The following PPP2R5E variants were observed in gnomAD, a reference collection of about 807,000 sequenced individuals.
PPP2R5E encodes the protein protein phosphatase 2 regulatory subunit B'epsilon.
PPP2R5E carries 4 observed loss-of-function variants against 65.3 expected under a neutral mutation model. The ratio of observed to expected loss-of-function variants is 0.06; its 90% CI spans 0.03 to 0.14. The LOEUF is 0.14. Ranked by LOEUF, PPP2R5E falls within the 10% of genes least tolerant of loss-of-function variation. PPP2R5E has a pLI of 1.00. For missense variants in PPP2R5E, 274 were observed against 556.1 expected, an observed-to-expected ratio of 0.49 and a Z score of 5.10; for synonymous variants, 183 against 187.4, an observed-to-expected ratio of 0.98 and a Z score of 0.19.
intron 11 of PPP2R5E, among the ~76,000 whole-genome samples, chr14:63,384,884 C>T (rs573629314): frequency 1.3e-5 from 2 of 152,010 alleles, no homozygotes; most frequent in Non-Finnish European, 2.9e-5. Context: ...TTAGTAGAGG[C>T]GGGGTTTCAC....
chr14:63,438,500 A>G (rs932399968), intron 3 of PPP2R5E, among the ~76,000 whole-genome samples: 13 of 152,196 alleles, frequency 8.5e-5, no homozygotes, highest in African/African-American at 3.1e-4. Context: ...GAAAAGAGAA[A>G]CCAAAACTTG....
At chr14:63,487,050 C>T (rs1891034025) in intron 2 of PPP2R5E, among the ~76,000 whole-genome samples, 1 of 152,164 alleles carries the variant, frequency 6.6e-6, no homozygotes, top group Non-Finnish European at 1.5e-5. Flanking sequence ...CTGTCTCAAA[C>T]CCACATGCTT....
intron 5 of PPP2R5E, among the ~76,000 whole-genome samples, chr14:63,403,494 G>A (rs957701144): frequency 6.6e-6 from 1 of 151,040 alleles, no homozygotes; most frequent in African/African-American, 2.4e-5. Flanking sequence ...GAATCTAGAA[G>A]ATATGCTCCA....
chr14:63,511,599 G>A (rs973610614), intron 2 of PPP2R5E, among the ~76,000 whole-genome samples: 3 of 152,116 alleles, frequency 2.0e-5, no homozygotes, highest in East Asian at 1.9e-4. Context: ...CCCCCAAATC[G>A]AATGCAAGCC....
intron 2 of PPP2R5E, chr14:63,508,312 T>C (rs1594954086): frequency 1.2e-5 from 8 of 674,414 alleles, no homozygotes; most frequent in Middle Eastern, 7.4e-4. Flanking sequence ...TGTCACTCTT[T>C]GTTCTGTCAC....
chr14:63,406,387 G>A (rs961567019), intron 5 of PPP2R5E, among the ~76,000 whole-genome samples: 1 of 150,998 alleles, frequency 6.6e-6, no homozygotes, highest in Non-Finnish European at 1.5e-5. Context: ...ATCCAGCCTG[G>A]GTGACAGAGC....
At chr14:63,414,237 T>A (rs1456414358) in intron 5 of PPP2R5E, among the ~76,000 whole-genome samples, 1 of 152,188 alleles carries the variant, frequency 6.6e-6, no homozygotes, top group Non-Finnish European at 1.5e-5. Context: ...ATCAGCCCCA[T>A]CCCAGTAAGG....
intron 2 of PPP2R5E, among the ~76,000 whole-genome samples, chr14:63,485,005 T>C (rs1566736812): frequency 6.6e-6 from 1 of 152,138 alleles, no homozygotes; most frequent in Non-Finnish European, 1.5e-5. Flanking sequence ...TTCAGCACTT[T>C]AAGAAAAGAA....
chr14:63,447,431 G>A (rs905407120), intron 3 of PPP2R5E, among the ~76,000 whole-genome samples: 15 of 152,212 alleles, frequency 9.9e-5, no homozygotes, highest in Admixed American at 3.3e-4. Flanking sequence ...ACCAACCTCT[G>A]TTACTGTCCA....
chr14:63,394,077 T>TA (rs1885189663), intron 7 of PPP2R5E, 149 bp from the exon 8 acceptor site: 1 of 373,966 alleles, frequency 2.7e-6, no homozygotes, highest in Non-Finnish European at 4.2e-6. Flanking sequence ...TTCCTTTTTT[T>TA]TTTTTTTTTT....
At chr14:63,532,179 A>C (rs959692475) in intron 2 of PPP2R5E, among the ~76,000 whole-genome samples, 4 of 152,162 alleles carry the variant, frequency 2.6e-5, no homozygotes, top group East Asian at 3.8e-4. Flanking sequence ...GGATTTAAGA[A>C]TCTCTATACC....
At position 63,509,677 on chromosome 14, in the gene PPP2R5E, G is replaced by C. The variant is rs561002616; in HGVS notation, c.157+29852C>G. Reference sequence around the variant, plus strand: ...TCATTATTCCAAATGTTAGAGGTTTGACTATATGTTACAAACACACACCTG... The same window carrying C: ...TCATTATTCCAAATGTTAGAGGTTTCACTATATGTTACAAACACACACCTG... On this transcript the variant is annotated intron_variant, in intron 2 of 13. Coordinates refer to ENST00000337537, the MANE Select transcript of PPP2R5E (RefSeq NM_006246.5). Among the ~76,000 whole-genome samples the C allele has an allele frequency of 3.9e-5, 6 of 152,194 alleles. No individual in the cohort carries two copies. In the South Asian group the frequency reaches 1.2e-3, roughly 32 times the overall value.
At chr14:63,393,433 C>T (rs1218937582) in intron 8 of PPP2R5E, among the ~76,000 whole-genome samples, 1 of 152,036 alleles carries the variant, frequency 6.6e-6, no homozygotes, top group Admixed American at 6.6e-5. Context: ...GGCGATAGGC[C>T]CGGCGCCGTG....
In PPP2R5E at chr14:63,373,681, G is replaced by A. The variant is rs1260591650; in HGVS notation, c.*2328C>T. The A allele has an allele frequency of 6.6e-6, 1 of 152,138 alleles. No homozygotes were observed. The highest frequency in any genetic ancestry group is 1.5e-5 in the Non-Finnish European group (1 of 68,032). The allele number at this position is 152,138 out of a possible 1,614,324, so 9.4% of individuals were successfully genotyped here. ...GTAAGTGTTCACCTTTACTCTTGAAGACAGGGTAAGGTACAAAAAAGGATC... is the reference window on the plus strand; with the variant it reads ...GTAAGTGTTCACCTTTACTCTTGAAAACAGGGTAAGGTACAAAAAAGGATC... On this transcript the variant is annotated 3_prime_UTR_variant, in exon 14 of 14. Coordinates refer to ENST00000337537, the MANE Select transcript of PPP2R5E (RefSeq NM_006246.5).
chr14:63,433,436 C>G (rs1887796867), intron 3 of PPP2R5E, among the ~76,000 whole-genome samples: 1 of 152,126 alleles, frequency 6.6e-6, no homozygotes. Flanking sequence ...ACCACCTGTT[C>G]ATGCCCCTCC....
intron 11 of PPP2R5E, among the ~76,000 whole-genome samples, chr14:63,385,336 CA>C (rs564777721): frequency 1.3e-5 from 2 of 149,612 alleles, no homozygotes; most frequent in Non-Finnish European, 3.0e-5. Context: ...CTCCTCCCAC[CA>C]AAAAAAAAGT....
intron 4 of PPP2R5E, among the ~76,000 whole-genome samples, chr14:63,416,275 C>T (rs1886676627): frequency 6.6e-6 from 1 of 152,164 alleles, no homozygotes; most frequent in Admixed American, 6.5e-5. Context: ...GGCAAGAGAA[C>T]AAGACTCTGT....
chr14:63,379,835 T>C (rs1398262874), intron 13 of PPP2R5E, among the ~76,000 whole-genome samples: 1,418 of 129,930 alleles, frequency 0.011, 61 homozygotes, highest in African/African-American at 0.038. Flanking sequence ...TCTTTTTTTT[T>C]TTTTTTTTTT....
At chr14:63,451,090 T>C (rs779358290) in intron 3 of PPP2R5E, among the ~76,000 whole-genome samples, 3 of 152,174 alleles carry the variant, frequency 2.0e-5, no homozygotes, top group Non-Finnish European at 4.4e-5. Flanking sequence ...GAAGACAGTT[T>C]GGCAGTTTCT....
Sources: gnomAD v4.1 joint callset for allele counts (sites outside exome capture counted in the v4.1 genomes callset) on GRCh38, gnomAD v4.1.1 for gene constraint, MANE v1.5 for transcripts, NCBI Gene and HGNC (gene_info 2026-07-23, HGNC 2026-07-21) for gene names.